The following STAMBPL1 variants were observed in gnomAD, a reference collection of about 807,000 sequenced individuals.
STAMBPL1 encodes STAM binding protein like 1, also known as AMSH-like protease.
Under a neutral mutation model 52.9 loss-of-function variants are expected in STAMBPL1, and 44 were observed. The observed-to-expected ratio is 0.83, with a 90% confidence interval of 0.65 to 1.07. The LOEUF (loss-of-function observed/expected upper bound fraction) is 1.07. STAMBPL1 is among the 50% of genes least tolerant of loss of function. The pLI, the probability that STAMBPL1 is intolerant of heterozygous loss-of-function variation, is 0.00. For synonymous variants in STAMBPL1, 164 were observed against 177.3 expected, an observed-to-expected ratio of 0.92 and a Z score of 0.60; for missense variants, 511 against 520.8, an observed-to-expected ratio of 0.98 and a Z score of 0.18.
At position 88,914,548 on chromosome 10, in the gene STAMBPL1, G is replaced by T; in HGVS notation, c.793G>T (p.Gly265Ter). 2 of 1,530,768 alleles carry T rather than the reference G, an allele frequency of 1.3e-6. No individual in the cohort carries two copies. The highest frequency in any genetic ancestry group is 8.8e-7 in the Non-Finnish European group (1 of 1,136,902). 94.8% of individuals were successfully genotyped at this position (1,530,768 alleles called of 1,614,324 possible). ...LSAVQNLVVE[G>*]LRCVVLPEDL... ...TTGTTTCTTAGATTTAGTGGTTGAA[G>T]GACTGCGATGTGTAGTTTTGCCAGA... is the stretch of plus-strand genomic sequence containing the variant. Residue 265 changes from glycine to a stop codon, truncating the protein, a stop_gained, in exon 7 of 11, where the codon GGA (glycine) becomes TGA (stop). Transcript: ENST00000371926. LOFTEE classifies it high-confidence loss of function.
At chr10:88,917,964 C>T (rs534316185) in intron 8 of STAMBPL1, among the ~76,000 whole-genome samples, 2 of 152,228 alleles carry the variant, frequency 1.3e-5, no homozygotes, top group East Asian at 3.9e-4. Flanking sequence ...GGCAAGAGAG[C>T]ACTCCCTTCA....
intron 5 of STAMBPL1, 64 bp from the exon 6 acceptor site, chr10:88,913,033 ATGTC>A: frequency 1.5e-6 from 2 of 1,319,772 alleles, no homozygotes; most frequent in Non-Finnish European, 2.1e-6. Flanking sequence ...AAGACTGAAA[ATGTC>A]TAATTCCAGT....
chr10:88,900,452 C>T (rs1213009991), intron 1 of STAMBPL1, among the ~76,000 whole-genome samples: 1 of 152,146 alleles, frequency 6.6e-6, no homozygotes, highest in Non-Finnish European at 1.5e-5. Context: ...AATATTTAAA[C>T]TTGGGTACAT....
At chr10:88,919,467 C>A (rs1845450382) in intron 8 of STAMBPL1, among the ~76,000 whole-genome samples, 1 of 152,156 alleles carries the variant, frequency 6.6e-6, no homozygotes, top group Non-Finnish European at 1.5e-5. Context: ...AAATGAAGGA[C>A]TCAGGTCATG....
chr10:88,911,345 G>A (rs1845219978), intron 5 of STAMBPL1, among the ~76,000 whole-genome samples: 1 of 152,222 alleles, frequency 6.6e-6, no homozygotes, highest in Non-Finnish European at 1.5e-5. Context: ...CAGCCAGTAG[G>A]AGGTAGGGAG....
chr10:88,910,681 C>T (rs1845199231), intron 4 of STAMBPL1, among the ~76,000 whole-genome samples: 1 of 152,150 alleles, frequency 6.6e-6, no homozygotes, highest in South Asian at 2.1e-4. Flanking sequence ...TAACAAAATG[C>T]TTATCCAATC....
intron 6 of STAMBPL1, among the ~76,000 whole-genome samples, chr10:88,914,133 T>G (rs1476721501): frequency 6.6e-6 from 1 of 152,212 alleles, no homozygotes; most frequent in Non-Finnish European, 1.5e-5. Context: ...TTTTACTTAC[T>G]GATCACCAAC....
chr10:88,916,438 C>T (rs1340489308), intron 7 of STAMBPL1, among the ~76,000 whole-genome samples: 1 of 150,976 alleles, frequency 6.6e-6, no homozygotes, highest in Non-Finnish European at 1.5e-5. Context: ...AACTGGGTTT[C>T]AAGCTACAAA....
At chr10:88,903,718 G>T (rs934328672) in intron 2 of STAMBPL1, among the ~76,000 whole-genome samples, 4 of 152,208 alleles carry the variant, frequency 2.6e-5, no homozygotes, top group African/African-American at 9.6e-5. Flanking sequence ...TGGATGGATT[G>T]CTGTAGCTTT....
rs531002702 is a variant in STAMBPL1 at position 88,886,621 on chromosome 10, C to T, written c.-54+5983C>T. On this transcript the variant is annotated intron_variant, in intron 1 of 10. Coordinates refer to ENST00000371926, the MANE Select transcript of STAMBPL1 (RefSeq NM_020799.4). Reference sequence around the variant, plus strand: ...CAAGCAAGAGATAACTGTTAAGAGGCCCATCAGGAATTATTCATTTTAATT... The same window carrying T: ...CAAGCAAGAGATAACTGTTAAGAGGTCCATCAGGAATTATTCATTTTAATT... Among the ~76,000 whole-genome samples the T allele has an allele frequency of 1.3e-4, 20 of 152,050 alleles. No individual in the cohort carries two copies. The South Asian group carries it at 1.9e-3, about 14-fold the overall frequency.
At chr10:88,898,478 G>T (rs902362293) in intron 1 of STAMBPL1, among the ~76,000 whole-genome samples, 1 of 152,150 alleles carries the variant, frequency 6.6e-6, no homozygotes, top group African/African-American at 2.4e-5. Flanking sequence ...TAAGTGCCAG[G>T]ACTAGGGGGC....
At chr10:88,883,927 C>T (rs1458073927) in intron 1 of STAMBPL1, among the ~76,000 whole-genome samples, 2 of 152,018 alleles carry the variant, frequency 1.3e-5, no homozygotes, top group African/African-American at 4.8e-5. Context: ...TTCTGACTTT[C>T]CATCTCCTGT....
At chr10:88,910,192 G>A (rs981028607) in intron 4 of STAMBPL1, among the ~76,000 whole-genome samples, 11 of 152,138 alleles carry the variant, frequency 7.2e-5, no homozygotes, top group Non-Finnish European at 1.3e-4. Flanking sequence ...TAGAAATTTG[G>A]TGAAAGAGCT....
intron 1 of STAMBPL1, among the ~76,000 whole-genome samples, chr10:88,899,551 C>T (rs1249767285): frequency 6.6e-6 from 1 of 152,102 alleles, no homozygotes; most frequent in Non-Finnish European, 1.5e-5. Context: ...GCTCTGTCAC[C>T]CAGGCTAGAG....
Position 88,905,639 on chromosome 10 carries a change from T to G in STAMBPL1, c.227T>G (p.Val76Gly), listed in dbSNP as rs1329106959. The G allele has an allele frequency of 6.2e-7, 1 of 1,613,722 alleles. No individual in the cohort carries two copies. Among genetic ancestry groups the G allele is most frequent in the African/African-American group, 1.3e-5 (1 of 74,924 alleles). The change falls in exon 3 of 11, where the codon GTT (valine) becomes GGT (glycine). Residue 76 changes from valine to glycine, a missense_variant. Transcript: ENST00000371926. ...GAAGGAAATTTGGAAAATGCCTTTG[T>G]TCTTTATAATAAATTTATAACGTAA... ...LEEGNLENAF[V>G]LYNKFITLFV... is the part of the protein sequence containing the mutation.
chr10:88,891,785 C>T (rs1844690646), intron 1 of STAMBPL1, among the ~76,000 whole-genome samples: 1 of 152,004 alleles, frequency 6.6e-6, no homozygotes, highest in South Asian at 2.1e-4. Flanking sequence ...ACCTCTCTGC[C>T]CCATTCCTGG....
At chr10:88,915,908 A>G (rs2133205296) in intron 7 of STAMBPL1, among the ~76,000 whole-genome samples, 1 of 152,270 alleles carries the variant, frequency 6.6e-6, no homozygotes, top group African/African-American at 2.4e-5. Context: ...GGAGCAGTGC[A>G]TAGTGTGCAG....
At chr10:88,901,405 C>T (rs1844939891) in intron 1 of STAMBPL1, 1 of 269,358 alleles carries the variant, frequency 3.7e-6, no homozygotes, top group Admixed American at 5.4e-5. Flanking sequence ...GCAGCAGATT[C>T]ATACTGGGTG....
chr10:88,913,196 A>C lies in STAMBPL1; in HGVS notation c.516A>C (p.Leu172=), dbSNP rs1352225215. ...TTGCTCAGATGCGCCAGCAGCAGCT[A>C]GAATCGGAGCAGTTTCTGTTTTTCG... ...KRIAQMRQQQ[L]ESEQFLFFED... is the part of the protein sequence containing the mutation. Residue 172 remains leucine, a synonymous_variant, in exon 6 of 11, where the codon CTA becomes CTC. Transcript: ENST00000371926. 1 of 1,613,902 alleles carries C rather than the reference A, an allele frequency of 6.2e-7. No individual in the cohort carries two copies.
Sources: gnomAD v4.1 joint callset for allele counts (sites outside exome capture counted in the v4.1 genomes callset) on GRCh38, gnomAD v4.1.1 for gene constraint, MANE v1.5 for transcripts, NCBI Gene and HGNC (gene_info 2026-07-23, HGNC 2026-07-21) for gene names.